DHRS12: variants seen among roughly 807,000 people sequenced by gnomAD.
DHRS12 encodes the protein dehydrogenase/reductase SDR family member 12.
DHRS12 carries 29 observed loss-of-function variants against 32.1 expected under a neutral mutation model. The observed-to-expected ratio is 0.90, with a 90% confidence interval of 0.67 to 1.23. DHRS12 has a LOEUF of 1.23. Among genes scored for constraint, DHRS12 ranks in the 50% most tolerant of loss-of-function variants. DHRS12 has a pLI of 0.00. For missense variants in DHRS12, 330 were observed against 337.2 expected, an observed-to-expected ratio of 0.98 and a Z score of 0.17; for synonymous variants, 150 against 135.9, an observed-to-expected ratio of 1.10 and a Z score of -0.72.
chr13:51,768,279 T>C lies in DHRS12; in HGVS notation c.715A>G (p.Thr239Ala). 1 of 1,536,004 alleles carries C rather than the reference T, an allele frequency of 6.5e-7. No individual in the cohort carries two copies. Among genetic ancestry groups the C allele is most frequent in the South Asian group, 1.2e-5 (1 of 84,056 alleles). Residue 239 changes from threonine to alanine, a missense_variant, in exon 9 of 9, where the codon ACA (threonine) becomes GCA (alanine). By Grantham distance (58) the Thr-to-Ala change is moderately conservative (BLOSUM62 0). Transcript: ENST00000444610. ...RFFQDRKPVSTHLPLATASSS... is the reference protein window; with the variant it reads ...RFFQDRKPVSAHLPLATASSS... The stretch of plus-strand genomic sequence containing the variant: ...GACGCTGTAGCGAGAGGCAAGTGTG[T>C]AGAAACTGGCTTCCGATCTAAAAGT...
rs921217027 is a variant in DHRS12, at chr13:51,772,885, G to C, written c.469-974C>G. On this transcript the variant is annotated intron_variant, in intron 6 of 8. Transcript: ENST00000444610. ...GTAATTCACCAGGATTTGGTCTGGG[G>C]TCAAGGAGCAAAACTGGGGCACACC... The C allele has an allele frequency of 9.1e-6, 9 of 985,334 alleles. No homozygotes were observed. In the African/African-American group the frequency reaches 1.6e-4, roughly 17 times the overall value. The allele number at this position is 985,334 out of a possible 1,614,324, so 61.0% of individuals were successfully genotyped here.
At position 51,768,166 on chromosome 13, in the gene DHRS12, C is replaced by G. The variant is rs1169916595; in HGVS notation, c.*21G>C. The G allele has an allele frequency of 3.3e-6, 5 of 1,536,096 alleles. No individual in the cohort carries two copies. The highest frequency in any genetic ancestry group is 4.4e-6 in the Non-Finnish European group (5 of 1,146,870). On this transcript the variant is annotated 3_prime_UTR_variant, in exon 9 of 9. Transcript: ENST00000444610. ...GGTATCTTCTAAGGCAATTCTGGTACCGCACTGTGTCTGGGTTGGCCTATT... is the reference window on the plus strand; with the variant it reads ...GGTATCTTCTAAGGCAATTCTGGTAGCGCACTGTGTCTGGGTTGGCCTATT...
intron 6 of DHRS12, 74 bp downstream of exon 6, chr13:51,773,856 A>G (rs975461767): frequency 1.5e-5 from 19 of 1,266,202 alleles, no homozygotes; most frequent in Non-Finnish European, 2.1e-5. Flanking sequence ...TGCATCCCAG[A>G]GTAAGCTTTC....
At chr13:51,795,489 C>T (rs1955472583) in intron 2 of DHRS12, among the ~76,000 whole-genome samples, 1 of 152,188 alleles carries the variant, frequency 6.6e-6, no homozygotes. Flanking sequence ...CATCTTGTAG[C>T]CCTTATCATG....
intron 4 of DHRS12, among the ~76,000 whole-genome samples, chr13:51,779,028 A>G (rs1405775932): frequency 1.3e-5 from 2 of 152,146 alleles, no homozygotes; most frequent in African/African-American, 4.8e-5. Context: ...GCAAGTTCAT[A>G]CAATGTGGAA....
At chr13:51,760,203 C>T in the DHRS12 span, 1 of 156,076 alleles carries the variant, frequency 6.4e-6, no homozygotes, top group Non-Finnish European at 1.4e-5. Context: ...GCTTTTTCTT[C>T]TCTTCCCTCT....
At chr13:51,771,021 T>G (rs1034063469) in intron 7 of DHRS12, 2 of 1,424,848 alleles carry the variant, frequency 1.4e-6, no homozygotes, top group Non-Finnish European at 1.8e-6. Context: ...CAGCAGTGTG[T>G]GAGAGCCTGA....
At chr13:51,786,230 G>A (rs1353642039) in intron 4 of DHRS12, among the ~76,000 whole-genome samples, 1 of 152,236 alleles carries the variant, frequency 6.6e-6, no homozygotes, top group South Asian at 2.1e-4. Flanking sequence ...AATTGGTGAC[G>A]CAGCTGTCCT....
chr13:51,758,308 G>C, the DHRS12 span: 3 of 1,568,852 alleles, frequency 1.9e-6, no homozygotes, highest in Non-Finnish European at 2.6e-6. Context: ...AAGGTAAGAT[G>C]CCATCTTATT....
chr13:51,784,102 C>CA (rs1376913528), intron 4 of DHRS12, among the ~76,000 whole-genome samples: 1 of 152,186 alleles, frequency 6.6e-6, no homozygotes, highest in African/African-American at 2.4e-5. Context: ...GACATTTGTA[C>CA]AGAGTCAGGT....
At chr13:51,758,758 T>C in the DHRS12 span, among the ~76,000 whole-genome samples, 1 of 151,948 alleles carries the variant, frequency 6.6e-6, no homozygotes, top group Non-Finnish European at 1.5e-5. Context: ...AAAACGGTAA[T>C]ACATATGAGA....
chr13:51,791,976 C>T (rs1955295080), intron 2 of DHRS12, among the ~76,000 whole-genome samples: 1 of 152,224 alleles, frequency 6.6e-6, no homozygotes, highest in South Asian at 2.1e-4. Context: ...GTATGTACCA[C>T]ATTTTCTTTG....
Position 51,777,094 on chromosome 13 carries a change from A to C in DHRS12, c.329T>G (p.Ile110Ser). The C allele has an allele frequency of 6.2e-7, 1 of 1,613,918 alleles. No homozygotes were observed. The highest frequency in any genetic ancestry group is 8.5e-7 in the Non-Finnish European group (1 of 1,179,984). Reference protein sequence around the residue: ...LGVYILTTGLIPVLEKEHDPR... With the variant: ...LGVYILTTGLSPVLEKEHDPR... ...GTCGTGTTCTTTCTCCAGCACAGGG[A>C]TCAGGCCGGTCGTGAGAATGTACAC... Residue 110 changes from isoleucine (I) to serine (S), a missense_variant, in exon 5 of 9, where the codon ATC becomes AGC. Transcript: ENST00000444610.
intron 2 of DHRS12, among the ~76,000 whole-genome samples, chr13:51,798,880 A>G (rs1955628317): frequency 6.6e-6 from 1 of 152,214 alleles, no homozygotes; most frequent in African/African-American, 2.4e-5. Flanking sequence ...GTGACCCAGG[A>G]TCGTTGAGCT....
intron 8 of DHRS12, 169 bp from the exon 9 acceptor site, chr13:51,768,465 G>A (rs1953852862): frequency 6.9e-7 from 1 of 1,440,016 alleles, no homozygotes; most frequent in Admixed American, 2.7e-5. Context: ...AGGCAGCATG[G>A]ATTGATATGT....
the DHRS12 span, among the ~76,000 whole-genome samples, chr13:51,756,104 G>C: frequency 0.13 from 19,058 of 152,088 alleles, 1,477 homozygotes; most frequent in South Asian, 0.22. Context: ...GAAAGCAGGA[G>C]AGTGGGGTGG....
At chr13:51,789,960 C>T (rs754821129) in intron 4 of DHRS12, 51 bp downstream of exon 4, 3 of 1,543,252 alleles carry the variant, frequency 1.9e-6, no homozygotes, top group Non-Finnish European at 1.7e-6. Context: ...TTCTATGGTA[C>T]ATTCTATGTT....
At chr13:51,799,894 T>G (rs1489710424) in intron 1 of DHRS12, among the ~76,000 whole-genome samples, 3 of 152,142 alleles carry the variant, frequency 2.0e-5, no homozygotes, top group African/African-American at 7.2e-5. Flanking sequence ...TATTGGAGAT[T>G]CCAACATTTT....
At chr13:51,769,548 C>G (rs998631286) in intron 7 of DHRS12, among the ~76,000 whole-genome samples, 4 of 152,142 alleles carry the variant, frequency 2.6e-5, no homozygotes, top group Non-Finnish European at 5.9e-5. Flanking sequence ...GGGGCACCAG[C>G]ACCCAGCCCA....
Sources: gnomAD v4.1 joint callset for allele counts (sites outside exome capture counted in the v4.1 genomes callset) on GRCh38, gnomAD v4.1.1 for gene constraint, MANE v1.5 for transcripts, NCBI Gene and HGNC (gene_info 2026-07-23, HGNC 2026-07-21) for gene names.